Variants in SDK1 observed in about 807,000 individuals in gnomAD.
SDK1 encodes the protein protein sidekick-1.
SDK1 carries 157 observed loss-of-function variants against 245.5 expected under a neutral mutation model. That is an observed-to-expected ratio of 0.64 (90% CI 0.56 to 0.73). The LOEUF (loss-of-function observed/expected upper bound fraction) is 0.73. Ranked by LOEUF, SDK1 falls within the 30% of genes least tolerant of loss-of-function variation. SDK1 has a pLI of 0.00. For synonymous variants in SDK1, 1,647 were observed against 1,278.5 expected (o/e 1.29, Z -6.15); for missense variants, 3,583 against 3,002.3 (o/e 1.19, Z -4.52).
chr7:3,778,713 C>T (rs976493658), intron 4 of SDK1, among the ~76,000 whole-genome samples: 1 of 152,176 alleles, frequency 6.6e-6, no homozygotes, highest in Admixed American at 6.5e-5. Context: ...ACAGAGTATA[C>T]TTGGCGGAAT....
At chr7:3,692,062 A>G (rs1342867738) in intron 4 of SDK1, among the ~76,000 whole-genome samples, 2 of 152,126 alleles carry the variant, frequency 1.3e-5, no homozygotes, top group Non-Finnish European at 2.9e-5. Context: ...TGTGAGCAAG[A>G]CGGTTATGCT....
intron 13 of SDK1, among the ~76,000 whole-genome samples, chr7:3,977,914 G>A (rs1302190724): frequency 2.0e-5 from 3 of 152,160 alleles, no homozygotes; most frequent in African/African-American, 7.2e-5. Context: ...CCCATTGGCG[G>A]GCCTCCTTCT....
rs375611900 is a variant in SDK1, at chr7:4,110,781, A to T, written c.3434+9A>T. ...CCCTACACTCACTACAGGTGAGAAC[A>T]GCAGTGATAAGCTGTTACAGGAGGA... On this transcript the variant is annotated intron_variant, in intron 23 of 44. Coordinates refer to ENST00000404826, the MANE Select transcript of SDK1 (RefSeq NM_152744.4). The T allele has an allele frequency of 9.1e-5, 143 of 1,577,304 alleles. 1 individual carries two copies. The highest frequency in any genetic ancestry group is 7.2e-4 in the South Asian group (65 of 90,334).
chr7:3,486,966 T>C (rs1305529428), intron 1 of SDK1, among the ~76,000 whole-genome samples: 6 of 152,212 alleles, frequency 3.9e-5, no homozygotes, highest in South Asian at 4.1e-4. Context: ...GCTAAGATTG[T>C]ATTAGCTATC....
At position 3,742,104 on chromosome 7, in the gene SDK1, C is replaced by G. The variant is rs79098327; in HGVS notation, c.714-79346C>G. 1.7e-3 allele frequency among the ~76,000 whole-genome samples: 260 copies of G among 149,910 alleles called. 2 individuals carry two copies. Among genetic ancestry groups the G allele is most frequent in the Admixed American group, 0.011 (170 of 14,984 alleles). On this transcript the variant is annotated intron_variant, in intron 4 of 44. Transcript: ENST00000404826. The stretch of plus-strand genomic sequence containing the variant: ...GGGGGAGCAGTTTAAATTTTGTTTT[C>G]ATACATCTGGTTGTATTAAATTCTC...
At position 4,268,587 on chromosome 7, in the gene SDK1, G is replaced by A. The variant is rs1788614626; in HGVS notation, c.*3203G>A. On this transcript the variant is annotated 3_prime_UTR_variant, in exon 45 of 45. Transcript: ENST00000404826. ...CTCTGTACAGGTCTTCGGAGGCCGT[G>A]TTTGTATCTAACTGTGACTGGGCTG... 6 of 1,359,222 alleles carry A rather than the reference G, an allele frequency of 4.4e-6. No individual in the cohort carries two copies. Among genetic ancestry groups the A allele is most frequent in the East Asian group, 4.6e-5 (1 of 21,928 alleles). 84.2% of individuals were successfully genotyped at this position (1,359,222 alleles called of 1,614,324 possible).
At chr7:3,568,842 C>T (rs371797013) in intron 1 of SDK1, among the ~76,000 whole-genome samples, 8 of 152,200 alleles carry the variant, frequency 5.3e-5, no homozygotes, top group African/African-American at 1.9e-4. Context: ...AAGTTTTGCC[C>T]CTAGCTAGGA....
At chr7:3,990,055 C>T (rs1035163388) in intron 14 of SDK1, among the ~76,000 whole-genome samples, 16 of 152,336 alleles carry the variant, frequency 1.1e-4, no homozygotes, top group South Asian at 2.1e-4. Flanking sequence ...TGCACTACAG[C>T]GGGGCTTCAG....
At chr7:3,856,534 C>T (rs1339963053) in intron 5 of SDK1, among the ~76,000 whole-genome samples, 1 of 145,856 alleles carries the variant, frequency 6.9e-6, no homozygotes, top group Non-Finnish European at 1.5e-5. Flanking sequence ...CTCACGCTTG[C>T]AATCCCAGTA....
intron 20 of SDK1, 114 bp downstream of exon 20, chr7:4,068,050 C>A: frequency 1.4e-6 from 1 of 719,396 alleles, no homozygotes; most frequent in South Asian, 1.8e-5. Context: ...ATGGCCTTCT[C>A]AAGAGGAACT....
rs28884793 is a variant in SDK1 at position 3,739,856 on chromosome 7, A to G, written c.714-81594A>G. Among the ~76,000 whole-genome samples the G allele has an allele frequency of 6.1e-3, 928 of 152,248 alleles. 11 individuals are homozygous for G. The highest frequency in any genetic ancestry group is 0.021 in the African/African-American group (892 of 41,540). ...CATAAATGTTTTTTAACAACTGGGC[A>G]TTTGAATGATATAATATGGCAATTT... On this transcript the variant is annotated intron_variant, in intron 4 of 44. Transcript: ENST00000404826.
At chr7:3,642,287 G>C (rs1196638111) in intron 4 of SDK1, among the ~76,000 whole-genome samples, 182 bp downstream of exon 4, 1 of 152,182 alleles carries the variant, frequency 6.6e-6, no homozygotes, top group Non-Finnish European at 1.5e-5. Flanking sequence ...TTTTTAACCA[G>C]TTTAAGCAAA....
At position 4,162,874 on chromosome 7, in the gene SDK1, T is replaced by C. The variant is rs920215735; in HGVS notation, c.4800+1018T>C. 5.9e-5 allele frequency among the ~76,000 whole-genome samples: 9 copies of C among 152,206 alleles called. No homozygotes were observed. In the East Asian group the frequency reaches 1.2e-3, roughly 20 times the overall value. ...TGGGCAATGCTTACTGACAAGTACA[T>C]TGATGACAAATATAACAGAGGGACA... On this transcript the variant is annotated intron_variant, in intron 32 of 44. Coordinates refer to ENST00000404826, the MANE Select transcript of SDK1 (RefSeq NM_152744.4).
At chr7:3,782,719 A>C (rs1780782213) in intron 4 of SDK1, among the ~76,000 whole-genome samples, 3 of 152,226 alleles carry the variant, frequency 2.0e-5, no homozygotes, top group Admixed American at 6.5e-5. Context: ...TATGTAACGC[A>C]AGGGTATCAT....
At chr7:3,666,529 G>A (rs901979004) in intron 4 of SDK1, among the ~76,000 whole-genome samples, 1 of 152,124 alleles carries the variant, frequency 6.6e-6, no homozygotes, top group Non-Finnish European at 1.5e-5. Context: ...GGGGTCTGGC[G>A]ACACCTCTCC....
chr7:3,488,904 CGTGTGTGTGTGT>C (rs59773114), intron 1 of SDK1, among the ~76,000 whole-genome samples: 39 of 147,216 alleles, frequency 2.6e-4, no homozygotes, highest in Non-Finnish European at 4.5e-4. Flanking sequence ...TTCCTCCCTC[CGTGTGTGTGTGT>C]GTGTGTGTGT....
intron 1 of SDK1, among the ~76,000 whole-genome samples, chr7:3,561,840 G>T (rs1403392067): frequency 1.3e-5 from 2 of 152,116 alleles, no homozygotes; most frequent in Admixed American, 6.5e-5. Flanking sequence ...TATAAGACTG[G>T]CCTTGCATTT....
In SDK1 at chr7:3,996,821, A is replaced by G. The variant is rs572127819; in HGVS notation, c.2131+9499A>G. On this transcript the variant is annotated intron_variant, in intron 14 of 44. Transcript: ENST00000404826. The stretch of plus-strand genomic sequence containing the variant: ...GTATTGTTTTCTTTTTGTTTTTCCT[A>G]TCTTGCTGTGTTGGTTGGAATAATT... Among the ~76,000 whole-genome samples, 6 of 151,956 alleles carry G rather than the reference A, an allele frequency of 3.9e-5. No homozygotes were observed. The East Asian group carries it at 9.7e-4, about 24-fold the overall frequency.
intron 1 of SDK1, among the ~76,000 whole-genome samples, chr7:3,381,594 A>G (rs1781488448): frequency 6.6e-6 from 1 of 152,122 alleles, no homozygotes; most frequent in Non-Finnish European, 1.5e-5. Flanking sequence ...GCTTAGTTCT[A>G]AGGAGAGGAA....
Sources: allele counts gnomAD v4.1 joint callset (sites outside exome capture counted in the v4.1 genomes callset), GRCh38; gene constraint gnomAD v4.1.1; transcripts MANE v1.5; gene names NCBI Gene and HGNC (gene_info 2026-07-23, HGNC 2026-07-21).